Variants in MAN1A2 observed in about 807,000 individuals in gnomAD.
The protein encoded by MAN1A2 is mannosyl-oligosaccharide 1,2-alpha-mannosidase IB.
In MAN1A2, 26 loss-of-function variants were observed where a neutral mutation model predicts 75.7. That is an observed-to-expected ratio of 0.34 (90% CI 0.25 to 0.48). MAN1A2 has a LOEUF of 0.48. Among genes scored for constraint, MAN1A2 ranks in the 20% least tolerant of loss-of-function variants. The pLI, the probability that MAN1A2 is intolerant of heterozygous loss-of-function variation, is 0.99. For synonymous variants in MAN1A2, 247 were observed against 264.6 expected, an observed-to-expected ratio of 0.93 and a Z score of 0.65; for missense variants, 562 against 775.5, an observed-to-expected ratio of 0.72 and a Z score of 3.27.
chr1:117,475,943 A>G (rs560583869), intron 8 of MAN1A2, among the ~76,000 whole-genome samples: 2 of 152,200 alleles, frequency 1.3e-5, no homozygotes, highest in Non-Finnish European at 2.9e-5. Context: ...TCACCACACT[A>G]TCTTCCCCAA....
chr1:117,429,684 C>A (rs1478869858), intron 5 of MAN1A2, among the ~76,000 whole-genome samples: 1 of 102,198 alleles, frequency 9.8e-6, no homozygotes, highest in Non-Finnish European at 2.1e-5. Flanking sequence ...ACCTCCTGGA[C>A]GGGGTGGCTG....
In MAN1A2 at chr1:117,367,909, A is replaced by T; in HGVS notation, c.-275A>T. ...TGGCTTGCCTGATCTACCCCTAGGA[A>T]TGAAGAGGAGGCTTGTAATAATCCG... On this transcript the variant is annotated 5_prime_UTR_variant, in exon 1 of 13. It removes an upstream start codon present in the reference 5' UTR. Transcript: ENST00000356554. The T allele has an allele frequency of 2.7e-6, 1 of 363,652 alleles. No individual in the cohort carries two copies. The highest frequency in any genetic ancestry group is 5.0e-5 in the South Asian group (1 of 19,804). The allele number at this position is 363,652 out of a possible 1,614,324, so 22.5% of individuals were successfully genotyped here.
rs138668719 is a variant in MAN1A2, at chr1:117,440,951, C to T, written c.856-1280C>T. On this transcript the variant is annotated intron_variant, in intron 5 of 12. Transcript: ENST00000356554. Reference sequence around the variant, plus strand: ...GAGAACTGATTTTACATTTGCTTTTCCTAATTAATGAGATGAATATGAGAA... The same window carrying T: ...GAGAACTGATTTTACATTTGCTTTTTCTAATTAATGAGATGAATATGAGAA... 5.6e-3 allele frequency among the ~76,000 whole-genome samples: 852 copies of T among 152,064 alleles called. 9 individuals carry two copies. The highest frequency in any genetic ancestry group is 0.024 in the Middle Eastern group (7 of 294).
At chr1:117,433,011 G>C (rs7533053) in intron 5 of MAN1A2, among the ~76,000 whole-genome samples, 17,958 of 150,222 alleles carry the variant, frequency 0.12, 1,153 homozygotes, top group Non-Finnish European at 0.14. Context: ...CAAAGTTAAA[G>C]ATTTGAAAAA....
At chr1:117,383,281 T>C (rs574914765) in intron 1 of MAN1A2, among the ~76,000 whole-genome samples, 32 of 152,228 alleles carry the variant, frequency 2.1e-4, no homozygotes, top group Non-Finnish European at 3.4e-4. Context: ...GATTTTCTTA[T>C]GCTGAACCAT....
At chr1:117,472,232 T>G (rs1650182568) in intron 8 of MAN1A2, among the ~76,000 whole-genome samples, 1 of 151,742 alleles carries the variant, frequency 6.6e-6, no homozygotes, top group South Asian at 2.1e-4. Context: ...ACCTATTCAA[T>G]GAAAACAGAA....
At chr1:117,465,678 GC>G (rs1453836558) in intron 7 of MAN1A2, among the ~76,000 whole-genome samples, 1 of 151,974 alleles carries the variant, frequency 6.6e-6, no homozygotes, top group Non-Finnish European at 1.5e-5. Context: ...ACCTCCAGGG[GC>G]CCCCTTAAAA....
chr1:117,429,915 T>C (rs1570737139), intron 5 of MAN1A2, among the ~76,000 whole-genome samples: 1 of 58,732 alleles, frequency 1.7e-5, no homozygotes, highest in Admixed American at 1.4e-4. Context: ...GGCTCCTCAC[T>C]TCCCAGTAGG....
intron 5 of MAN1A2, among the ~76,000 whole-genome samples, chr1:117,435,199 G>A (rs1225602697): frequency 6.6e-6 from 1 of 152,028 alleles, no homozygotes; most frequent in Non-Finnish European, 1.5e-5. Context: ...TCAGTTGCTG[G>A]GTAGCTGATA....
intron 1 of MAN1A2, among the ~76,000 whole-genome samples, chr1:117,393,490 G>C (rs1475287662): frequency 1.4e-5 from 2 of 146,798 alleles, no homozygotes; most frequent in East Asian, 4.0e-4. Flanking sequence ...TTTTTTTTGT[G>C]TGTGTGTGTG....
In MAN1A2 at chr1:117,527,933, G is replaced by C. The variant is rs890667051; in HGVS notation, c.*4976G>C. 1.3e-5 allele frequency: 2 copies of C among 152,092 alleles called. No individual in the cohort carries two copies. The highest frequency in any genetic ancestry group is 4.8e-5 in the African/African-American group (2 of 41,430). 9.4% of individuals were successfully genotyped at this position (152,092 alleles called of 1,614,324 possible). A position where few individuals can be genotyped will look rare whatever the true frequency, so the allele number is the denominator to read the frequency against. On this transcript the variant is annotated 3_prime_UTR_variant, in exon 13 of 13. Transcript: ENST00000356554. Reference sequence around the variant, plus strand: ...GCCACTATTCCTTTTTTAGACTGCAGAACGGTACTGCCCCTGTTACCTCTA... The same window carrying C: ...GCCACTATTCCTTTTTTAGACTGCACAACGGTACTGCCCCTGTTACCTCTA...
chr1:117,453,451 C>T (rs1400920846), intron 6 of MAN1A2, among the ~76,000 whole-genome samples: 1 of 152,058 alleles, frequency 6.6e-6, no homozygotes, highest in Non-Finnish European at 1.5e-5. Flanking sequence ...GATTCCAGTC[C>T]TCATGGGTGA....
Position 117,524,523 on chromosome 1 carries a change from C to G in MAN1A2, c.*1566C>G, listed in dbSNP as rs1651954101. 6.6e-6 allele frequency: 1 copy of G among 151,656 alleles called. No homozygotes were observed. Among genetic ancestry groups the G allele is most frequent in the Non-Finnish European group, 1.5e-5 (1 of 67,768 alleles). 9.4% of individuals were successfully genotyped at this position (151,656 alleles called of 1,614,324 possible). A position where few individuals can be genotyped will look rare whatever the true frequency, so the allele number is the denominator to read the frequency against. On this transcript the variant is annotated 3_prime_UTR_variant, in exon 13 of 13. Transcript: ENST00000356554. ...TGAAACAAAGTTTGTACAAGAAGCC[C>G]ACCTTGGAATTCTGAAGGCTTATTT...
intron 8 of MAN1A2, among the ~76,000 whole-genome samples, chr1:117,480,819 A>T (rs1229667198): frequency 6.6e-6 from 1 of 151,876 alleles, no homozygotes; most frequent in African/African-American, 2.4e-5. Flanking sequence ...CTTATCATGA[A>T]CTTGAGGTTC....
At chr1:117,481,378 A>C (rs540730633) in intron 8 of MAN1A2, among the ~76,000 whole-genome samples, 4 of 151,848 alleles carry the variant, frequency 2.6e-5, no homozygotes, top group South Asian at 4.1e-4. Context: ...TTCTCAATAC[A>C]TTGCATTCTG....
chr1:117,371,480 G>C (rs1652963728), intron 1 of MAN1A2, among the ~76,000 whole-genome samples: 1 of 152,272 alleles, frequency 6.6e-6, no homozygotes, highest in African/African-American at 2.4e-5. Context: ...AGGGGCAGTG[G>C]GAATAAGGAA....
chr1:117,486,117 A>G (rs987164015), intron 8 of MAN1A2, among the ~76,000 whole-genome samples: 1 of 151,936 alleles, frequency 6.6e-6, no homozygotes, highest in African/African-American at 2.4e-5. Context: ...ATAGTTACAT[A>G]TAACAACATG....
intron 11 of MAN1A2, among the ~76,000 whole-genome samples, chr1:117,501,171 T>C (rs1240964581): frequency 6.6e-6 from 1 of 151,814 alleles, no homozygotes; most frequent in Non-Finnish European, 1.5e-5. Context: ...CTTTAGCCCA[T>C]GTCTGTCTAA....
chr1:117,463,541 G>A (rs10923309), intron 7 of MAN1A2, among the ~76,000 whole-genome samples: 22,094 of 151,420 alleles, frequency 0.15, 1,839 homozygotes, highest in Admixed American at 0.22. Context: ...ACACACACGA[G>A]GAACTCAAGG....
Sources: allele counts gnomAD v4.1 joint callset (sites outside exome capture counted in the v4.1 genomes callset), GRCh38; gene constraint gnomAD v4.1.1; transcripts MANE v1.5; gene names NCBI Gene and HGNC (gene_info 2026-07-23, HGNC 2026-07-21).